The following PRKG1 variants were observed in gnomAD, a reference collection of about 807,000 sequenced individuals.
PRKG1 encodes protein kinase cGMP-dependent 1.
Under a neutral mutation model 88.1 loss-of-function variants are expected in PRKG1, and 35 were observed. That is an observed-to-expected ratio of 0.40 (90% confidence interval 0.30 to 0.53). PRKG1 has a LOEUF of 0.53. Ranked by LOEUF, PRKG1 falls within the 20% of genes least tolerant of loss-of-function variation. The pLI is 0.59. For missense variants in PRKG1, 540 were observed against 839.8 expected, an observed-to-expected ratio of 0.64 and a Z score of 4.41; for synonymous variants, 303 against 292.5, an observed-to-expected ratio of 1.04 and a Z score of -0.37.
chr10:51,407,942 C>G (rs1158445924), intron 2 of PRKG1, among the ~76,000 whole-genome samples: 2 of 152,170 alleles, frequency 1.3e-5, no homozygotes, highest in Non-Finnish European at 2.9e-5. Context: ...TGGCGGCAAT[C>G]TTAACTTTCA....
At chr10:51,350,652 T>C (rs1410319377) in intron 2 of PRKG1, among the ~76,000 whole-genome samples, 1 of 151,074 alleles carries the variant, frequency 6.6e-6, no homozygotes, top group Non-Finnish European at 1.5e-5. Flanking sequence ...TGTTTGCAGA[T>C]GATATGATCT....
chr10:51,199,026 A>C (rs1220778049), intron 2 of PRKG1, among the ~76,000 whole-genome samples: 1 of 152,212 alleles, frequency 6.6e-6, no homozygotes, highest in Non-Finnish European at 1.5e-5. Context: ...AAAAATCAGA[A>C]GTGCAAAAAG....
intron 2 of PRKG1, among the ~76,000 whole-genome samples, chr10:51,418,350 A>G (rs975534263): frequency 6.6e-6 from 1 of 150,722 alleles, no homozygotes; most frequent in African/African-American, 2.5e-5. Context: ...TGAATCATAC[A>G]ACACTATCAA....
intron 5 of PRKG1, among the ~76,000 whole-genome samples, chr10:51,918,429 G>A (rs945212205): frequency 6.6e-6 from 1 of 150,782 alleles, no homozygotes; most frequent in Admixed American, 6.6e-5. Flanking sequence ...TGCTTTCCAC[G>A]AGACCCGAAA....
At chr10:52,187,050 G>A (rs1839218775) in intron 9 of PRKG1, among the ~76,000 whole-genome samples, 1 of 151,996 alleles carries the variant, frequency 6.6e-6, no homozygotes, top group Admixed American at 6.6e-5. Context: ...AGTTTCATAG[G>A]TTTATCTCCG....
chr10:51,967,000 G>A lies in PRKG1; in HGVS notation c.762+59430G>A, dbSNP rs576059583. Among the ~76,000 whole-genome samples, 4 of 152,296 alleles carry A rather than the reference G, an allele frequency of 2.6e-5. No individual in the cohort carries two copies. The South Asian group carries it at 8.3e-4, about 32-fold the overall frequency. On this transcript the variant is annotated intron_variant, in intron 5 of 17. Transcript: ENST00000373980. The stretch of plus-strand genomic sequence containing the variant: ...GTTCAACCATTGTGGAAGTCAGTGT[G>A]GCGATTCCTCAGGGATCTAGAACTA...
At chr10:51,028,372 A>G in intron 1 of PRKG1, among the ~76,000 whole-genome samples, 1 of 152,184 alleles carries the variant, frequency 6.6e-6, no homozygotes, top group Non-Finnish European at 1.5e-5. Context: ...ATCCAGGGCC[A>G]TAGTGAAGTT....
intron 3 of PRKG1, among the ~76,000 whole-genome samples, chr10:51,707,068 T>C (rs1841624042): frequency 6.6e-6 from 1 of 152,178 alleles, no homozygotes; most frequent in African/African-American, 2.4e-5. Flanking sequence ...TTTCAAGTTG[T>C]ACAACCTTAA....
intron 2 of PRKG1, among the ~76,000 whole-genome samples, chr10:51,233,988 C>T (rs1194482849): frequency 1.3e-5 from 2 of 152,002 alleles, no homozygotes; most frequent in East Asian, 3.9e-4. Flanking sequence ...GTCTCTTTAG[C>T]TTATCAGAGT....
chr10:51,181,643 TACTC>T (rs948378876), intron 2 of PRKG1, among the ~76,000 whole-genome samples: 17 of 152,358 alleles, frequency 1.1e-4, no homozygotes, highest in East Asian at 1.9e-4. Context: ...CATTTAGTGA[TACTC>T]ACCATGTGCC....
rs189811498 is a variant in PRKG1 at position 51,468,856 on chromosome 10, A to T, written c.592+1020A>T. Among the ~76,000 whole-genome samples, 18 of 121,966 alleles carry T rather than the reference A, an allele frequency of 1.5e-4. No individual in the cohort carries two copies. In the East Asian group the frequency reaches 3.5e-3, roughly 24 times the overall value. 80.0% of individuals were successfully genotyped at this position (121,966 alleles called of 152,430 possible). A position where few individuals can be genotyped will look rare whatever the true frequency, so the allele number is the denominator to read the frequency against. On this transcript the variant is annotated intron_variant, in intron 3 of 17. Coordinates refer to ENST00000373980, the MANE Select transcript of PRKG1 (RefSeq NM_006258.4). ...AAAATACAACAATGAAATTGGATTTAAAAAAAACATAAGAATGCACGGCCA... is the reference window on the plus strand; with the variant it reads ...AAAATACAACAATGAAATTGGATTTTAAAAAAACATAAGAATGCACGGCCA...
At chr10:51,924,473 G>A (rs192361279) in intron 5 of PRKG1, among the ~76,000 whole-genome samples, 6 of 151,752 alleles carry the variant, frequency 4.0e-5, no homozygotes, top group Admixed American at 1.3e-4. Flanking sequence ...AGATTTTCTC[G>A]GTCTTTAATT....
At chr10:51,574,829 G>T (rs565541043) in intron 3 of PRKG1, among the ~76,000 whole-genome samples, 6 of 151,952 alleles carry the variant, frequency 3.9e-5, no homozygotes, top group African/African-American at 1.4e-4. Context: ...AGATCACCTG[G>T]GGGGAACTAG....
chr10:51,411,124 C>CA (rs1838073980), intron 2 of PRKG1, among the ~76,000 whole-genome samples: 1 of 152,074 alleles, frequency 6.6e-6, no homozygotes, highest in East Asian at 1.9e-4. Flanking sequence ...CTCAGTCTCC[C>CA]AAGGAGCTTG....
intron 3 of PRKG1, among the ~76,000 whole-genome samples, chr10:51,586,530 T>C (rs1198128733): frequency 6.6e-6 from 1 of 152,178 alleles, no homozygotes; most frequent in Non-Finnish European, 1.5e-5. Context: ...AATTTCCTTT[T>C]TGTTCTCCCT....
chr10:52,127,072 CAG>C (rs1847947762), intron 7 of PRKG1, among the ~76,000 whole-genome samples: 1 of 151,970 alleles, frequency 6.6e-6, no homozygotes. Flanking sequence ...TGGTGCAGGG[CAG>C]AGATAGTGGT....
In PRKG1 at chr10:52,045,586, A is replaced by G. The variant is rs558809924; in HGVS notation, c.763-8898A>G. Among the ~76,000 whole-genome samples, 8 of 152,144 alleles carry G rather than the reference A, an allele frequency of 5.3e-5. No individual in the cohort carries two copies. In the South Asian group the frequency reaches 1.7e-3, roughly 32 times the overall value. ...AGCAATGGAAGTGACACAGACTCATATTTGTGCCCAGCTGTTTGTGTCTTA... is the reference window on the plus strand; with the variant it reads ...AGCAATGGAAGTGACACAGACTCATGTTTGTGCCCAGCTGTTTGTGTCTTA... On this transcript the variant is annotated intron_variant, in intron 5 of 17. Coordinates refer to ENST00000373980, the MANE Select transcript of PRKG1 (RefSeq NM_006258.4).
intron 4 of PRKG1, among the ~76,000 whole-genome samples, chr10:51,861,235 G>A (rs1469414173): frequency 6.6e-6 from 1 of 152,160 alleles, no homozygotes; most frequent in East Asian, 1.9e-4. Context: ...CAAATTCACT[G>A]TCTTATGGAA....
chr10:51,617,685 ATC>A (rs1839096472), intron 3 of PRKG1, among the ~76,000 whole-genome samples: 1 of 152,202 alleles, frequency 6.6e-6, no homozygotes, highest in African/African-American at 2.4e-5. Flanking sequence ...AGGCTATACC[ATC>A]TGTGTGCCAC....
Sources: allele counts gnomAD v4.1 joint callset (sites outside exome capture counted in the v4.1 genomes callset), GRCh38; gene constraint gnomAD v4.1.1; transcripts MANE v1.5; gene names NCBI Gene and HGNC (gene_info 2026-07-23, HGNC 2026-07-21).